The following CORO2B variants were observed in gnomAD, a reference collection of about 807,000 sequenced individuals.
CORO2B encodes coronin 2B.
Under a neutral mutation model 58.8 loss-of-function variants are expected in CORO2B, and 26 were observed. The observed-to-expected ratio is 0.44, with a 90% CI of 0.32 to 0.61. The LOEUF (loss-of-function observed/expected upper bound fraction) is 0.61. CORO2B is among the 20% of genes least tolerant of loss of function. The probability of loss-of-function intolerance (pLI) is 0.04; values close to 1 mark genes in which losing one functional copy is unlikely to be tolerated. For synonymous variants in CORO2B, 242 were observed against 253.8 expected (o/e 0.95, Z 0.44); for missense variants, 460 against 645.1 (o/e 0.71, Z 3.11).
chr15:68,522,890 T>C, the CORO2B span, among the ~76,000 whole-genome samples: 2 of 152,208 alleles, frequency 1.3e-5, no homozygotes, highest in African/African-American at 4.8e-5. Flanking sequence ...TTGGAATACT[T>C]ACTATTTTTT....
At chr15:68,725,370 AAAAT>A (rs1184341770) in intron 11 of CORO2B, among the ~76,000 whole-genome samples, 4 of 152,216 alleles carry the variant, frequency 2.6e-5, no homozygotes, top group African/African-American at 4.8e-5. Flanking sequence ...CTTTGTCTCA[AAAAT>A]AAATAAATAC....
intron 11 of CORO2B, among the ~76,000 whole-genome samples, chr15:68,720,440 A>G (rs191315997): frequency 6.6e-6 from 1 of 152,370 alleles, no homozygotes; most frequent in African/African-American, 2.4e-5. Flanking sequence ...ACAAATGCTT[A>G]TTAGCTCACA....
intron 1 of CORO2B, 64 bp downstream of exon 1, chr15:68,579,341 C>T (rs1292837845): frequency 8.1e-7 from 1 of 1,227,090 alleles, no homozygotes; most frequent in Non-Finnish European, 1.0e-6. Flanking sequence ...GGCTAGGCTG[C>T]GGGGGGCGCG....
At chr15:68,661,673 G>A (rs1902018968) in intron 2 of CORO2B, among the ~76,000 whole-genome samples, 1 of 152,110 alleles carries the variant, frequency 6.6e-6, no homozygotes, top group Non-Finnish European at 1.5e-5. Context: ...TGTTCTTAAT[G>A]GCATATTTTT....
At chr15:68,673,115 G>T (rs1902458199) in intron 2 of CORO2B, among the ~76,000 whole-genome samples, 1 of 152,178 alleles carries the variant, frequency 6.6e-6, no homozygotes, top group Non-Finnish European at 1.5e-5. Context: ...CCGGTAGGTG[G>T]GTGGTGGAAG....
the CORO2B span, among the ~76,000 whole-genome samples, chr15:68,530,846 CT>C: frequency 6.6e-6 from 1 of 151,970 alleles, no homozygotes; most frequent in Non-Finnish European, 1.5e-5. Flanking sequence ...ATATGTATGC[CT>C]TTACATTTGA....
intron 1 of CORO2B, among the ~76,000 whole-genome samples, chr15:68,629,577 C>T (rs1900771560): frequency 1.3e-5 from 2 of 152,172 alleles, no homozygotes; most frequent in Non-Finnish European, 2.9e-5. Flanking sequence ...AAACAAAGAG[C>T]CCAGGTGCTG....
At chr15:68,592,780 G>A (rs180842652) in intron 1 of CORO2B, among the ~76,000 whole-genome samples, 1 of 152,280 alleles carries the variant, frequency 6.6e-6, no homozygotes, top group Non-Finnish European at 1.5e-5. Context: ...ACTGTCATGG[G>A]AGCTCAGAAG....
chr15:68,657,413 A>G (rs1177941642), intron 2 of CORO2B, among the ~76,000 whole-genome samples: 3 of 148,714 alleles, frequency 2.0e-5, no homozygotes, highest in African/African-American at 7.4e-5. Flanking sequence ...GATACTCGGG[A>G]GGCTGAGGTT....
chr15:68,613,115 A>G (rs979074835), intron 1 of CORO2B, among the ~76,000 whole-genome samples: 1 of 152,180 alleles, frequency 6.6e-6, no homozygotes, highest in Non-Finnish European at 1.5e-5. Flanking sequence ...GAGGCATGTA[A>G]TGGAAGCAGC....
intron 2 of CORO2B, among the ~76,000 whole-genome samples, chr15:68,689,790 GT>G (rs1428460670): frequency 6.6e-6 from 1 of 152,162 alleles, no homozygotes; most frequent in East Asian, 1.9e-4. Context: ...CATTTTGTTT[GT>G]TCTTTAATTT....
the CORO2B span, among the ~76,000 whole-genome samples, chr15:68,551,592 A>T: frequency 1.3e-5 from 2 of 152,138 alleles, no homozygotes; most frequent in East Asian, 3.9e-4. Flanking sequence ...TGAAGGTCTT[A>T]TGTCATTTCC....
intron 1 of CORO2B, among the ~76,000 whole-genome samples, chr15:68,622,591 C>T (rs1016270866): frequency 6.6e-6 from 1 of 152,194 alleles, no homozygotes; most frequent in African/African-American, 2.4e-5. Flanking sequence ...TATCGTTGGA[C>T]CTCACCGACT....
intron 3 of CORO2B, among the ~76,000 whole-genome samples, chr15:68,709,067 A>G (rs1305039474): frequency 6.6e-6 from 1 of 152,240 alleles, no homozygotes; most frequent in Non-Finnish European, 1.5e-5. Flanking sequence ...GATATAATGT[A>G]TTACATTGTT....
At chr15:68,626,792 G>T (rs781422063) in intron 1 of CORO2B, among the ~76,000 whole-genome samples, 7 of 152,204 alleles carry the variant, frequency 4.6e-5, no homozygotes, top group Non-Finnish European at 1.0e-4. Context: ...AGCAGCAAGG[G>T]CTGAGAACCG....
chr15:68,718,959 G>C (rs1272957158), intron 9 of CORO2B, 149 bp downstream of exon 9: 3 of 848,964 alleles, frequency 3.5e-6, no homozygotes, highest in Non-Finnish European at 5.7e-6. Context: ...GGCATTCTCA[G>C]ATGGGGACAG....
At chr15:68,632,065 G>A (rs1900851724) in intron 1 of CORO2B, 2 of 985,482 alleles carry the variant, frequency 2.0e-6, no homozygotes, top group Non-Finnish European at 1.2e-6. Context: ...AGGCTCCCAG[G>A]CCTCTCAGAT....
intron 2 of CORO2B, among the ~76,000 whole-genome samples, chr15:68,646,896 C>G (rs1437423646): frequency 1.3e-5 from 2 of 152,206 alleles, no homozygotes; most frequent in Non-Finnish European, 1.5e-5. Flanking sequence ...AGCTTCCCTT[C>G]CCTCCTGAAT....
At chr15:68,543,751 G>C in the CORO2B span, among the ~76,000 whole-genome samples, 326 of 152,116 alleles carry the variant, frequency 2.1e-3, 5 homozygotes, top group African/African-American at 7.6e-3. Flanking sequence ...CCCCAACACA[G>C]CTGCAGACGT....
Sources: allele counts gnomAD v4.1 joint callset (sites outside exome capture counted in the v4.1 genomes callset), GRCh38; gene constraint gnomAD v4.1.1; transcripts MANE v1.5; gene names NCBI Gene and HGNC (gene_info 2026-07-23, HGNC 2026-07-21).